ASIC2: variants seen among roughly 807,000 people sequenced by gnomAD.
ASIC2 encodes acid sensing ion channel subunit 2.
In ASIC2, 25 loss-of-function variants were observed where a neutral mutation model predicts 57.3. The observed-to-expected ratio is 0.44, with a 90% confidence interval of 0.32 to 0.61. The LOEUF is 0.61. ASIC2 is among the 20% of genes least tolerant of loss of function. The pLI, the probability that ASIC2 is intolerant of heterozygous loss-of-function variation, is 0.06. For synonymous variants in ASIC2, 319 were observed against 307.5 expected (o/e 1.04, Z -0.39); for missense variants, 641 against 738.1 (o/e 0.87, Z 1.52).
chr17:34,036,314 T>C (rs1176011357), intron 1 of ASIC2, among the ~76,000 whole-genome samples: 2 of 136,784 alleles, frequency 1.5e-5, no homozygotes, highest in African/African-American at 2.8e-5. Flanking sequence ...TAGATGGGAA[T>C]TGAACAATGA....
chr17:33,742,038 T>C (rs776225280), intron 1 of ASIC2, among the ~76,000 whole-genome samples: 2 of 152,190 alleles, frequency 1.3e-5, no homozygotes, highest in South Asian at 4.1e-4. Flanking sequence ...TGCCAGATGA[T>C]CACCAGAAAC....
At chr17:33,653,477 A>T (rs1326133925) in intron 1 of ASIC2, among the ~76,000 whole-genome samples, 1 of 152,236 alleles carries the variant, frequency 6.6e-6, no homozygotes, top group South Asian at 2.1e-4. Flanking sequence ...CTCTTTCTCC[A>T]TGCAATTTAA....
At chr17:34,131,787 C>T (rs973752319) in intron 1 of ASIC2, among the ~76,000 whole-genome samples, 1 of 152,196 alleles carries the variant, frequency 6.6e-6, no homozygotes, top group Non-Finnish European at 1.5e-5. Flanking sequence ...TGCCGAGGCC[C>T]CCTGTCCAAA....
At chr17:34,098,409 G>A (rs773505249) in intron 1 of ASIC2, among the ~76,000 whole-genome samples, 6 of 152,188 alleles carry the variant, frequency 3.9e-5, no homozygotes, top group Non-Finnish European at 7.3e-5. Flanking sequence ...ATGGGAAAGT[G>A]CACATCTTAG....
intron 1 of ASIC2, among the ~76,000 whole-genome samples, chr17:34,056,249 C>T (rs1271829698): frequency 6.6e-6 from 1 of 152,132 alleles, no homozygotes; most frequent in Admixed American, 6.5e-5. Context: ...TGAGGCATGG[C>T]AGAGTAGACA....
intron 1 of ASIC2, among the ~76,000 whole-genome samples, chr17:33,631,362 G>C: frequency 7.3e-6 from 1 of 136,196 alleles, no homozygotes; most frequent in Non-Finnish European, 1.6e-5. Flanking sequence ...TCTTTTTGAT[G>C]CCAGCCCGTC....
intron 1 of ASIC2, among the ~76,000 whole-genome samples, chr17:33,397,608 A>C (rs910190451): frequency 1.3e-5 from 2 of 152,126 alleles, no homozygotes; most frequent in Admixed American, 1.3e-4. Flanking sequence ...AGAACATTGG[A>C]TCTACTTTTC....
At chr17:33,694,932 G>A (rs1252028841) in intron 1 of ASIC2, among the ~76,000 whole-genome samples, 1 of 152,086 alleles carries the variant, frequency 6.6e-6, no homozygotes. Flanking sequence ...GCTGCCCCAC[G>A]CTGCCTACAT....
intron 1 of ASIC2, among the ~76,000 whole-genome samples, chr17:33,518,072 C>CAGGAA: frequency 6.6e-6 from 1 of 152,126 alleles, no homozygotes; most frequent in Admixed American, 6.6e-5. Context: ...TCTATTTGCC[C>CAGGAA]CTCTGATGTG....
chr17:33,416,763 T>C (rs899214576), intron 1 of ASIC2, among the ~76,000 whole-genome samples: 1 of 152,196 alleles, frequency 6.6e-6, no homozygotes, highest in African/African-American at 2.4e-5. Context: ...GGCTTCAAGA[T>C]TGATGACCCG....
chr17:33,888,327 G>A (rs1240668210), intron 1 of ASIC2, among the ~76,000 whole-genome samples: 1 of 152,116 alleles, frequency 6.6e-6, no homozygotes, highest in Non-Finnish European at 1.5e-5. Flanking sequence ...TAGCAAGTGT[G>A]GGGGTGCTGC....
At chr17:33,928,459 C>T (rs1051477918) in intron 1 of ASIC2, among the ~76,000 whole-genome samples, 5 of 152,174 alleles carry the variant, frequency 3.3e-5, no homozygotes, top group Admixed American at 1.3e-4. Flanking sequence ...CTCCCATATC[C>T]TCTACACCTA....
rs142274936 is a variant in ASIC2 at position 33,126,005 on chromosome 17, G to C, written c.709-13938C>G. Among the ~76,000 whole-genome samples, 1,180 of 152,296 alleles carry C rather than the reference G, an allele frequency of 7.7e-3. 8 individuals carry two copies. The highest frequency in any genetic ancestry group is 0.029 in the South Asian group (140 of 4,820). On this transcript the variant is annotated intron_variant, in intron 1 of 9. Transcript: ENST00000225823. ...GTGTGGGTGCCTCCTTAAATTTTGC[G>C]TCTTAGTCCAGCTCCTGCTCAGGAC... is the stretch of plus-strand genomic sequence containing the variant.
chr17:33,678,435 C>CCCCACACACACACACACACA, intron 1 of ASIC2, among the ~76,000 whole-genome samples: 1 of 139,602 alleles, frequency 7.2e-6, no homozygotes, highest in African/African-American at 2.6e-5. Context: ...CTGGTTCAAT[C>CCCCACACACACACACACACA]CACACACACA....
At chr17:33,359,894 G>A (rs959316043) in intron 1 of ASIC2, among the ~76,000 whole-genome samples, 2 of 152,164 alleles carry the variant, frequency 1.3e-5, no homozygotes, top group Non-Finnish European at 2.9e-5. Context: ...TAAGCCTGAA[G>A]CAGCCATGAA....
intron 1 of ASIC2, among the ~76,000 whole-genome samples, chr17:33,545,312 A>G (rs1015401329): frequency 6.6e-6 from 1 of 152,164 alleles, no homozygotes; most frequent in African/African-American, 2.4e-5. Flanking sequence ...GACCCAGTCC[A>G]CACATGTATG....
At chr17:33,606,414 C>T (rs1247356276) in intron 1 of ASIC2, among the ~76,000 whole-genome samples, 2 of 152,128 alleles carry the variant, frequency 1.3e-5, no homozygotes, top group African/African-American at 4.8e-5. Flanking sequence ...TGGACCTTTC[C>T]AGGTGTGAAG....
At chr17:33,914,793 G>A (rs1049829675) in intron 1 of ASIC2, among the ~76,000 whole-genome samples, 1 of 152,198 alleles carries the variant, frequency 6.6e-6, no homozygotes, top group Non-Finnish European at 1.5e-5. Flanking sequence ...AGTAAGCTGG[G>A]AAAGGGAGCC....
intron 1 of ASIC2, among the ~76,000 whole-genome samples, chr17:33,364,868 G>A (rs1342703839): frequency 2.0e-5 from 3 of 152,140 alleles, no homozygotes; most frequent in Admixed American, 2.0e-4. Context: ...CTGTGTCTGA[G>A]TACTGCACAG....
Sources: gnomAD v4.1 joint callset for allele counts (sites outside exome capture counted in the v4.1 genomes callset) on GRCh38, gnomAD v4.1.1 for gene constraint, MANE v1.5 for transcripts, NCBI Gene and HGNC (gene_info 2026-07-23, HGNC 2026-07-21) for gene names.